The following NLRP5 variants were observed in gnomAD, a reference collection of about 807,000 sequenced individuals.
NLRP5 encodes NLR family pyrin domain containing 5.
A neutral mutation model predicts 113.1 loss-of-function variants in NLRP5; 93 were observed. The ratio of observed to expected loss-of-function variants is 0.82; its 90% CI spans 0.70 to 0.98. The LOEUF is 0.98. Ranked by LOEUF, NLRP5 falls within the 50% of genes least tolerant of loss-of-function variation. The pLI is 0.00. For missense variants in NLRP5, 1,808 were observed against 1,514.3 expected (o/e 1.19, Z -3.22); for synonymous variants, 751 against 600.7 (o/e 1.25, Z -3.66).
At chr19:56,015,124 C>T (rs1383231018) in intron 3 of NLRP5, among the ~76,000 whole-genome samples, 3 of 152,142 alleles carry the variant, frequency 2.0e-5, no homozygotes, top group African/African-American at 7.2e-5. Context: ...TCTCTCATTT[C>T]ATTTGTTAAA....
intron 2 of NLRP5, among the ~76,000 whole-genome samples, chr19:56,004,775 C>T (rs1336354130): frequency 2.6e-5 from 4 of 152,060 alleles, no homozygotes; most frequent in Non-Finnish European, 5.9e-5. Flanking sequence ...AATCCCTTGA[C>T]TGAGCCCTTG....
chr19:56,036,552 A>C (rs1983325043), intron 9 of NLRP5, among the ~76,000 whole-genome samples: 1 of 152,262 alleles, frequency 6.6e-6, no homozygotes. Context: ...TCCTGCTCTC[A>C]TGGTGCTCAC....
chr19:56,000,991 AGT>A (rs1281868654), intron 1 of NLRP5, among the ~76,000 whole-genome samples: 1 of 147,462 alleles, frequency 6.8e-6, no homozygotes, highest in Non-Finnish European at 1.5e-5. Context: ...TGGGTGACAG[AGT>A]GAGACTCTAT....
the NLRP5 span, among the ~76,000 whole-genome samples, chr19:55,992,855 CTTTT>C: frequency 6.7e-6 from 1 of 149,972 alleles, no homozygotes; most frequent in Admixed American, 6.7e-5. Flanking sequence ...TTTATGGAGA[CTTTT>C]TTTTTTTGAA....
chr19:56,006,726 C>T lies in NLRP5; in HGVS notation c.443-2062C>T, dbSNP rs117570814. Among the ~76,000 whole-genome samples, 1,461 of 150,948 alleles carry T rather than the reference C, an allele frequency of 9.7e-3. 45 individuals carry two copies. Among genetic ancestry groups the T allele is most frequent in the East Asian group, 0.067 (330 of 4,948 alleles). ...CAGCCTGGGTGACAGAGCGAGACTCCGTATTTAAAATAAAAATTTTTTTTT... is the reference window on the plus strand; with the variant it reads ...CAGCCTGGGTGACAGAGCGAGACTCTGTATTTAAAATAAAAATTTTTTTTT... On this transcript the variant is annotated intron_variant, in intron 2 of 14. Coordinates refer to ENST00000390649, the MANE Select transcript of NLRP5 (RefSeq NM_153447.4).
intron 3 of NLRP5, among the ~76,000 whole-genome samples, chr19:56,010,381 C>A (rs1982134234): frequency 6.6e-6 from 1 of 152,104 alleles, no homozygotes. Flanking sequence ...GACACTCTAC[C>A]CTCAAGGAGC....
intron 2 of NLRP5, among the ~76,000 whole-genome samples, chr19:56,004,416 CCTT>C (rs1352999261): frequency 5.9e-5 from 9 of 152,166 alleles, no homozygotes; most frequent in African/African-American, 9.7e-5. Flanking sequence ...GGGCATGTCT[CCTT>C]CTGTTCTGAC....
Position 56,006,589 on chromosome 19 carries a change from A to G in NLRP5, c.443-2199A>G, listed in dbSNP as rs568074146. 2.2e-3 allele frequency among the ~76,000 whole-genome samples: 336 copies of G among 151,888 alleles called. 1 individual carries two copies. The highest frequency in any genetic ancestry group is 7.9e-3 in the African/African-American group (326 of 41,498). ...TCTACTAAAAATACAAAAATTAGCC[A>G]GGCATGGTGGCACACACCTGTAATC... On this transcript the variant is annotated intron_variant, in intron 2 of 14. Transcript: ENST00000390649.
At chr19:56,022,105 A>T (rs1001542117) in intron 6 of NLRP5, among the ~76,000 whole-genome samples, 6 of 152,218 alleles carry the variant, frequency 3.9e-5, no homozygotes, top group Non-Finnish European at 7.3e-5. Flanking sequence ...GGGACGAATA[A>T]TATACACAAA....
upstream of NLRP5, among the ~76,000 whole-genome samples, chr19:55,998,708 G>GTATATATATATATATA (rs1429404937): frequency 6.7e-5 from 4 of 59,348 alleles, no homozygotes; most frequent in African/African-American, 3.2e-4. Flanking sequence ...ATATATGTGT[G>GTATATATATATATATA]TGTGTGTATA....
chr19:56,022,722 GGTTTTTT>G (rs574464653), intron 6 of NLRP5, among the ~76,000 whole-genome samples: 5 of 152,082 alleles, frequency 3.3e-5, no homozygotes, highest in African/African-American at 7.2e-5. Context: ...TAAAAGATGA[GGTTTTTT>G]GTTTTTTGTT....
chr19:56,018,165 C>T (rs73619241), intron 4 of NLRP5, among the ~76,000 whole-genome samples: 25,860 of 152,164 alleles, frequency 0.17, 2,476 homozygotes, highest in East Asian at 0.41. Context: ...CCAAGGCGAT[C>T]TAAAAATTTA....
intron 3 of NLRP5, among the ~76,000 whole-genome samples, chr19:56,014,607 A>G (rs1269659181): frequency 6.6e-6 from 1 of 152,190 alleles, no homozygotes. Flanking sequence ...AATTTTGTAT[A>G]TAGCATGAAG....
chr19:56,058,108 T>G, intron 13 of NLRP5, 132 bp from the exon 14 acceptor site: 1 of 701,480 alleles, frequency 1.4e-6, no homozygotes, highest in East Asian at 2.8e-5. Flanking sequence ...AGCCCACCAG[T>G]TTCATTTTTT....
At position 56,047,414 on chromosome 19, in the gene NLRP5, G is replaced by T. The variant is rs192775590; in HGVS notation, c.2958-3004G>T. 2.6e-5 allele frequency among the ~76,000 whole-genome samples: 4 copies of T among 152,222 alleles called. No homozygotes were observed. The East Asian group carries it at 5.8e-4, about 22-fold the overall frequency. On this transcript the variant is annotated intron_variant, in intron 11 of 14. Coordinates refer to ENST00000390649, the MANE Select transcript of NLRP5 (RefSeq NM_153447.4). ...TTAGCACTGCCTTTGCTGTATCCCAGAGGTTTTGATAGATTGTGTCATTGT... is the reference window on the plus strand; with the variant it reads ...TTAGCACTGCCTTTGCTGTATCCCATAGGTTTTGATAGATTGTGTCATTGT...
chr19:55,988,280 A>G, the NLRP5 span: 1 of 163,426 alleles, frequency 6.1e-6, no homozygotes, highest in Non-Finnish European at 1.3e-5. Flanking sequence ...CTGTAATCCC[A>G]GCTGCTCGGG....
At chr19:55,994,379 A>G in the NLRP5 span, among the ~76,000 whole-genome samples, 1 of 151,986 alleles carries the variant, frequency 6.6e-6, no homozygotes, top group Non-Finnish European at 1.5e-5. Flanking sequence ...TTATTTTGCA[A>G]ATATTTTCTC....
chr19:56,018,876 C>G (rs1326138749), intron 4 of NLRP5: 1 of 159,970 alleles, frequency 6.3e-6, no homozygotes, highest in Non-Finnish European at 1.4e-5. Context: ...TTACTGCAAC[C>G]TCTGCCTCCA....
intron 10 of NLRP5, among the ~76,000 whole-genome samples, chr19:56,039,604 C>T (rs306448): frequency 0.042 from 6,409 of 152,268 alleles, 190 homozygotes; most frequent in South Asian, 0.067. Flanking sequence ...GGAATCACTT[C>T]AGTGCTACAT....
Sources: gnomAD v4.1 joint callset for allele counts (sites outside exome capture counted in the v4.1 genomes callset) on GRCh38, gnomAD v4.1.1 for gene constraint, MANE v1.5 for transcripts, NCBI Gene and HGNC (gene_info 2026-07-23, HGNC 2026-07-21) for gene names.